ANGPT1: variants seen among roughly 807,000 people sequenced by gnomAD.
ANGPT1 encodes the protein angiopoietin 1, also known as angiopoietin-1.
Under a neutral mutation model 62.2 loss-of-function variants are expected in ANGPT1, and 17 were observed. The ratio of observed to expected loss-of-function variants is 0.27; its 90% CI spans 0.19 to 0.41. The LOEUF is 0.41. ANGPT1 is among the 10% of genes least tolerant of loss of function. The pLI is 1.00. For synonymous variants in ANGPT1, 199 were observed against 198.9 expected, an observed-to-expected ratio of 1.00 and a Z score of 0.00; for missense variants, 478 against 594.9, an observed-to-expected ratio of 0.80 and a Z score of 2.04.
intron 1 of ANGPT1, among the ~76,000 whole-genome samples, chr8:107,470,750 A>G (rs934830710): frequency 6.6e-6 from 1 of 152,214 alleles, no homozygotes; most frequent in African/African-American, 2.4e-5. Context: ...ATGAACAGAC[A>G]CTTCTCAAAA....
At position 107,319,804 on chromosome 8, in the gene ANGPT1, T is replaced by C. The variant is rs376970095; in HGVS notation, c.808+2092A>G. On this transcript the variant is annotated intron_variant, in intron 4 of 8. Transcript: ENST00000517746. ...GAGAGCCACTTTCCACTTTTGTGTC[T>C]CTTATGAGTTCTAAAAGTAACTAAA... Among the ~76,000 whole-genome samples, 13 of 152,232 alleles carry C rather than the reference T, an allele frequency of 8.5e-5. No individual in the cohort carries two copies. The South Asian group carries it at 2.5e-3, about 29-fold the overall frequency.
intron 8 of ANGPT1, among the ~76,000 whole-genome samples, chr8:107,259,236 G>C (rs1813437869): frequency 6.6e-6 from 1 of 152,036 alleles, no homozygotes; most frequent in Non-Finnish European, 1.5e-5. Context: ...TCTTTCTTGG[G>C]TTCCCAAAAA....
chr8:107,416,934 G>C (rs1247829482), intron 1 of ANGPT1, among the ~76,000 whole-genome samples: 1 of 151,906 alleles, frequency 6.6e-6, no homozygotes. Context: ...TAGGACTATA[G>C]GTATGCGCCA....
chr8:107,476,920 C>G (rs1276728583), intron 1 of ANGPT1, among the ~76,000 whole-genome samples: 1 of 152,064 alleles, frequency 6.6e-6, no homozygotes, highest in Non-Finnish European at 1.5e-5. Flanking sequence ...AGTTCTCTAG[C>G]TGCTTCTCCA....
At chr8:107,409,182 G>A (rs1050173168) in intron 1 of ANGPT1, among the ~76,000 whole-genome samples, 1 of 152,184 alleles carries the variant, frequency 6.6e-6, no homozygotes, top group Admixed American at 6.5e-5. Flanking sequence ...CAAAGGAATT[G>A]TTTATTTAAA....
At chr8:107,485,554 C>T (rs1347963945) in intron 1 of ANGPT1, among the ~76,000 whole-genome samples, 1 of 152,150 alleles carries the variant, frequency 6.6e-6, no homozygotes, top group South Asian at 2.1e-4. Flanking sequence ...CAATTGTCTA[C>T]AAGTAGCAGT....
intron 4 of ANGPT1, among the ~76,000 whole-genome samples, chr8:107,310,359 A>G (rs565400364): frequency 1.3e-5 from 2 of 152,298 alleles, no homozygotes; most frequent in African/African-American, 4.8e-5. Context: ...CTCTCTGACT[A>G]TAAAGCTGAA....
intron 3 of ANGPT1, among the ~76,000 whole-genome samples, chr8:107,330,900 T>A (rs1176015551): frequency 6.6e-6 from 1 of 152,126 alleles, no homozygotes; most frequent in South Asian, 2.1e-4. Context: ...AAATGCTATA[T>A]GCTATTAAAT....
At chr8:107,323,881 G>A (rs978747315) in intron 3 of ANGPT1, among the ~76,000 whole-genome samples, 6 of 152,026 alleles carry the variant, frequency 3.9e-5, no homozygotes, top group Non-Finnish European at 7.4e-5. Flanking sequence ...CTGGGTTCAC[G>A]CCATTCTCCT....
chr8:107,296,011 A>G (rs1814405993), intron 5 of ANGPT1, among the ~76,000 whole-genome samples: 1 of 152,142 alleles, frequency 6.6e-6, no homozygotes, highest in Non-Finnish European at 1.5e-5. Flanking sequence ...ATACTCAACA[A>G]TAAGCTCTGG....
At chr8:107,433,031 T>G (rs1811235872) in intron 1 of ANGPT1, among the ~76,000 whole-genome samples, 1 of 152,372 alleles carries the variant, frequency 6.6e-6, no homozygotes, top group Non-Finnish European at 1.5e-5. Flanking sequence ...TTAATAAACA[T>G]TCATATTTCA....
At chr8:107,464,161 T>TCCTC in intron 1 of ANGPT1, among the ~76,000 whole-genome samples, 1 of 152,260 alleles carries the variant, frequency 6.6e-6, no homozygotes, top group Non-Finnish European at 1.5e-5. Flanking sequence ...CATGCTTGTT[T>TCCTC]CCTCATCTCC....
intron 1 of ANGPT1, among the ~76,000 whole-genome samples, chr8:107,427,458 G>C (rs1453164490): frequency 6.6e-6 from 1 of 152,074 alleles, no homozygotes; most frequent in Non-Finnish European, 1.5e-5. Context: ...ATCTGTTGAG[G>C]TCCCTCTTCC....
intron 1 of ANGPT1, among the ~76,000 whole-genome samples, chr8:107,480,603 G>T (rs549529666): frequency 2.5e-4 from 38 of 152,264 alleles, no homozygotes; most frequent in African/African-American, 8.9e-4. Context: ...GAAGGGGATC[G>T]ATGACTAACA....
chr8:107,362,791 T>A (rs1029402745), intron 1 of ANGPT1, among the ~76,000 whole-genome samples: 1 of 152,210 alleles, frequency 6.6e-6, no homozygotes, highest in Non-Finnish European at 1.5e-5. Context: ...ACCATTTTTT[T>A]TCTGTAAAAA....
chr8:107,327,302 T>C (rs1185714094), intron 3 of ANGPT1, among the ~76,000 whole-genome samples: 5 of 152,054 alleles, frequency 3.3e-5, no homozygotes, highest in Non-Finnish European at 7.4e-5. Context: ...TCCAGGTCCG[T>C]TGGGAGTGGC....
intron 1 of ANGPT1, among the ~76,000 whole-genome samples, chr8:107,370,355 AG>A (rs749422137): frequency 3.7e-5 from 1 of 27,176 alleles, no homozygotes; most frequent in Admixed American, 6.4e-4. Flanking sequence ...AAAGAAAGAA[AG>A]AAAGAAAGAA....
chr8:107,353,728 A>T (rs1815981390), intron 1 of ANGPT1, among the ~76,000 whole-genome samples: 1 of 152,182 alleles, frequency 6.6e-6, no homozygotes, highest in South Asian at 2.1e-4. Context: ...TATATGTGGT[A>T]AGTGTGTGCT....
At chr8:107,380,082 C>T (rs536876445) in intron 1 of ANGPT1, among the ~76,000 whole-genome samples, 13 of 151,982 alleles carry the variant, frequency 8.6e-5, no homozygotes, top group Non-Finnish European at 1.2e-4. Context: ...ACTACAGCCC[C>T]GGGATAGCCT....
Sources: gnomAD v4.1 joint callset for allele counts (sites outside exome capture counted in the v4.1 genomes callset) on GRCh38, gnomAD v4.1.1 for gene constraint, MANE v1.5 for transcripts, NCBI Gene and HGNC (gene_info 2026-07-23, HGNC 2026-07-21) for gene names.